Variants in LRRC8C observed in about 807,000 individuals in gnomAD.
LRRC8C encodes the protein volume-regulated anion channel subunit LRRC8C.
A neutral mutation model predicts 55.3 loss-of-function variants in LRRC8C; 20 were observed. The ratio of observed to expected loss-of-function variants is 0.36; its 90% CI spans 0.25 to 0.53. The LOEUF is 0.53. Among genes scored for constraint, LRRC8C ranks in the 20% least tolerant of loss-of-function variants. The pLI is 0.92. For missense variants in LRRC8C, 659 were observed against 951.4 expected (o/e 0.69, Z 4.04); for synonymous variants, 376 against 360.7 (o/e 1.04, Z -0.48).
chr1:89,619,606 CTT>C, the LRRC8C span, among the ~76,000 whole-genome samples: 1 of 151,446 alleles, frequency 6.6e-6, no homozygotes, highest in Non-Finnish European at 1.5e-5. Context: ...ATTAGTAACT[CTT>C]TACAATATAA....
At chr1:89,694,404 G>A (rs1335464200) in intron 2 of LRRC8C, among the ~76,000 whole-genome samples, 1 of 151,850 alleles carries the variant, frequency 6.6e-6, no homozygotes, top group Non-Finnish European at 1.5e-5. Context: ...GTCCACTTGG[G>A]GGTTTCTAGC....
At chr1:89,705,013 G>A (rs1016365920) in intron 2 of LRRC8C, among the ~76,000 whole-genome samples, 3 of 151,800 alleles carry the variant, frequency 2.0e-5, no homozygotes, top group Non-Finnish European at 4.4e-5. Flanking sequence ...GCAAAGACTT[G>A]GAACCAACCC....
intron 1 of LRRC8C, among the ~76,000 whole-genome samples, chr1:89,643,951 A>G (rs1197115211): frequency 6.6e-6 from 1 of 152,256 alleles, no homozygotes; most frequent in Non-Finnish European, 1.5e-5. Context: ...TGTTTAAGTT[A>G]CAATTTCTTT....
upstream of LRRC8C, chr1:89,629,775 A>G (rs1239131930): frequency 6.6e-6 from 1 of 152,282 alleles, no homozygotes; most frequent in African/African-American, 2.4e-5. Context: ...AAATGAGAGC[A>G]TGCCATGGTA....
chr1:89,691,905 A>AAAT (rs1174714429), intron 2 of LRRC8C, among the ~76,000 whole-genome samples: 1 of 152,236 alleles, frequency 6.6e-6, no homozygotes, highest in Non-Finnish European at 1.5e-5. Context: ...TTATAAATTA[A>AAAT]AATTTTAAGG....
chr1:89,635,604 A>T (rs1304237595), intron 1 of LRRC8C, among the ~76,000 whole-genome samples: 2 of 152,054 alleles, frequency 1.3e-5, no homozygotes, highest in Non-Finnish European at 2.9e-5. Flanking sequence ...CTGCTTATTT[A>T]TTTTTTCTAT....
chr1:89,643,169 A>G (rs1166015529), intron 1 of LRRC8C, among the ~76,000 whole-genome samples: 2 of 152,132 alleles, frequency 1.3e-5, no homozygotes, highest in Admixed American at 1.3e-4. Flanking sequence ...TTGGCTCACT[A>G]CAACCTCTAC....
At chr1:89,704,350 T>A (rs1658413549) in intron 2 of LRRC8C, among the ~76,000 whole-genome samples, 1 of 152,166 alleles carries the variant, frequency 6.6e-6, no homozygotes, top group Non-Finnish European at 1.5e-5. Flanking sequence ...ATGCATGTCA[T>A]CATGGGAATG....
chr1:89,696,760 T>C (rs1465611280), intron 2 of LRRC8C, among the ~76,000 whole-genome samples: 1 of 152,100 alleles, frequency 6.6e-6, no homozygotes, highest in East Asian at 1.9e-4. Context: ...TCAGTCCTTT[T>C]CCTTAAAGGT....
intron 1 of LRRC8C, among the ~76,000 whole-genome samples, chr1:89,669,018 T>C (rs147500691): frequency 5.3e-5 from 8 of 152,166 alleles, no homozygotes; most frequent in Admixed American, 4.6e-4. Flanking sequence ...TTATTCACAA[T>C]AACCAAGATG....
chr1:89,648,216 A>AT (rs2101191456), intron 1 of LRRC8C, among the ~76,000 whole-genome samples: 1 of 152,342 alleles, frequency 6.6e-6, no homozygotes, highest in East Asian at 1.9e-4. Context: ...TATTCATTGA[A>AT]TTCCTAATTT....
At chr1:89,685,276 G>A (rs1176248019) in intron 1 of LRRC8C, among the ~76,000 whole-genome samples, 10 of 119,104 alleles carry the variant, frequency 8.4e-5, no homozygotes, top group Admixed American at 4.3e-4. Flanking sequence ...CCGCCACCGC[G>A]CCCGGCTAAT....
At chr1:89,638,307 C>CT (rs1176354629) in intron 1 of LRRC8C, among the ~76,000 whole-genome samples, 1 of 152,114 alleles carries the variant, frequency 6.6e-6, no homozygotes, top group Admixed American at 6.6e-5. Context: ...ATTTCTCAAC[C>CT]TTTTTTTGAT....
At chr1:89,649,593 A>G (rs1190043833) in intron 1 of LRRC8C, among the ~76,000 whole-genome samples, 2 of 152,124 alleles carry the variant, frequency 1.3e-5, no homozygotes, top group African/African-American at 4.8e-5. Flanking sequence ...TGTGAACTCC[A>G]TCTATTTGAA....
the LRRC8C span, among the ~76,000 whole-genome samples, chr1:89,620,046 A>C: frequency 1.1e-4 from 16 of 152,162 alleles, no homozygotes; most frequent in African/African-American, 3.9e-4. Flanking sequence ...TTATTGCCTT[A>C]GTTTTGGAGG....
intron 2 of LRRC8C, among the ~76,000 whole-genome samples, chr1:89,705,432 TAAAG>T (rs1342561504): frequency 6.6e-6 from 1 of 151,212 alleles, no homozygotes; most frequent in African/African-American, 2.4e-5. Context: ...ATAATAATAA[TAAAG>T]AAATTTAGGG....
At chr1:89,700,351 T>C (rs1310584444) in intron 2 of LRRC8C, among the ~76,000 whole-genome samples, 3 of 152,226 alleles carry the variant, frequency 2.0e-5, no homozygotes, top group Non-Finnish European at 4.4e-5. Context: ...TGATTTTTCA[T>C]GTGGCTGTTT....
chr1:89,649,149 A>C (rs1656692125), intron 1 of LRRC8C, among the ~76,000 whole-genome samples: 1 of 152,174 alleles, frequency 6.6e-6, no homozygotes, highest in South Asian at 2.1e-4. Flanking sequence ...GATGTAAATG[A>C]GGTATAATTT....
intron 2 of LRRC8C, among the ~76,000 whole-genome samples, chr1:89,695,080 C>T (rs1226357269): frequency 6.6e-6 from 1 of 151,746 alleles, no homozygotes; most frequent in Non-Finnish European, 1.5e-5. Flanking sequence ...AGCCACCATG[C>T]CCAGCTAATT....
Sources: allele counts gnomAD v4.1 joint callset (sites outside exome capture counted in the v4.1 genomes callset), GRCh38; gene constraint gnomAD v4.1.1; transcripts MANE v1.5; gene names NCBI Gene and HGNC (gene_info 2026-07-23, HGNC 2026-07-21).